Variants in NPFFR2 observed in about 807,000 individuals in gnomAD.
NPFFR2 encodes neuropeptide FF receptor 2.
Under a neutral mutation model 13.1 loss-of-function variants are expected in NPFFR2, and 15 were observed. That is an observed-to-expected ratio of 1.15 (90% CI 0.77 to 1.76). The LOEUF (loss-of-function observed/expected upper bound fraction) is 1.76, where lower values mean the gene tolerates loss of function less well. Ranked by LOEUF, NPFFR2 falls within the 40% of genes most tolerant of loss-of-function variation. The pLI, the probability that NPFFR2 is intolerant of heterozygous loss-of-function variation, is 0.00. For synonymous variants in NPFFR2, 190 were observed against 175.7 expected (o/e 1.08, Z -0.65); for missense variants, 572 against 503.5 (o/e 1.14, Z -1.30).
chr4:72,142,088 C>G (rs1722644044), intron 3 of NPFFR2, among the ~76,000 whole-genome samples: 1 of 151,842 alleles, frequency 6.6e-6, no homozygotes, highest in African/African-American at 2.4e-5. Flanking sequence ...CAACCCCTGC[C>G]TTTTTTTGCT....
At chr4:72,102,333 T>G (rs116202094) in intron 1 of NPFFR2, among the ~76,000 whole-genome samples, 2,712 of 152,172 alleles carry the variant, frequency 0.018, 89 homozygotes, top group African/African-American at 0.062. Context: ...AATCTTTCAA[T>G]AAATTAATAT....
chr4:72,072,114 G>A (rs4694463), intron 1 of NPFFR2, among the ~76,000 whole-genome samples: 136,852 of 152,094 alleles, frequency 0.9, 62,524 homozygotes, highest in Non-Finnish European at 0.98. Flanking sequence ...GAAGGATTCA[G>A]TTTCCAGCAT....
chr4:72,044,560 A>G (rs996176440), intron 1 of NPFFR2, among the ~76,000 whole-genome samples: 1 of 152,000 alleles, frequency 6.6e-6, no homozygotes, highest in Non-Finnish European at 1.5e-5. Flanking sequence ...AGTGTCAGTT[A>G]TTTTTTGTCT....
In NPFFR2 at chr4:72,115,597, C is replaced by T. The variant is rs75259772; in HGVS notation, c.-7-12988C>T. 3.0e-3 allele frequency among the ~76,000 whole-genome samples: 455 copies of T among 152,216 alleles called. 4 individuals are homozygous for T. The highest frequency in any genetic ancestry group is 0.01 in the African/African-American group (429 of 41,530). ...TTCCAAGTTTACCTCAAATAACTCC[C>T]CTGGGTTGTCTCCTATTTCTGTATA... On this transcript the variant is annotated intron_variant, in intron 1 of 3. Transcript: ENST00000308744.
chr4:72,082,333 G>T (rs185951966), intron 1 of NPFFR2, among the ~76,000 whole-genome samples: 2 of 152,248 alleles, frequency 1.3e-5, no homozygotes, highest in Non-Finnish European at 2.9e-5. Context: ...AAGCCAAGGG[G>T]CTAGGTATAT....
chr4:72,090,857 G>A (rs1354747611), intron 1 of NPFFR2, among the ~76,000 whole-genome samples: 6 of 152,040 alleles, frequency 3.9e-5, no homozygotes, highest in Non-Finnish European at 2.9e-5. Flanking sequence ...CCAGTACTAT[G>A]TGAAATAGAA....
chr4:72,074,232 A>G (rs1012300601), intron 1 of NPFFR2, among the ~76,000 whole-genome samples: 1 of 152,084 alleles, frequency 6.6e-6, no homozygotes, highest in African/African-American at 2.4e-5. Context: ...GCTCTTCAGA[A>G]TGACATGCAA....
intron 1 of NPFFR2, among the ~76,000 whole-genome samples, chr4:72,108,345 G>A (rs968151595): frequency 6.6e-6 from 1 of 151,916 alleles, no homozygotes; most frequent in Non-Finnish European, 1.5e-5. Context: ...CAATTATTAT[G>A]TTCACAAGAA....
intron 1 of NPFFR2, among the ~76,000 whole-genome samples, chr4:72,113,641 C>T (rs1165822391): frequency 6.6e-6 from 1 of 152,106 alleles, no homozygotes; most frequent in Non-Finnish European, 1.5e-5. Context: ...AACACAAAGT[C>T]TCAGACTGGC....
chr4:72,119,287 T>A (rs1331858131), intron 1 of NPFFR2, among the ~76,000 whole-genome samples: 1 of 152,166 alleles, frequency 6.6e-6, no homozygotes, highest in East Asian at 1.9e-4. Flanking sequence ...GTTATTCCTG[T>A]CAAAGGGATG....
At chr4:72,084,826 C>T (rs757581706) in intron 1 of NPFFR2, among the ~76,000 whole-genome samples, 5 of 152,078 alleles carry the variant, frequency 3.3e-5, no homozygotes, top group Non-Finnish European at 7.4e-5. Flanking sequence ...CATATTTACT[C>T]AGAGAGCTCT....
intron 1 of NPFFR2, among the ~76,000 whole-genome samples, chr4:72,112,434 A>C (rs747632580): frequency 2.0e-5 from 3 of 151,798 alleles, no homozygotes; most frequent in Non-Finnish European, 4.4e-5. Flanking sequence ...TTTTGTGTGC[A>C]TAGATCTTTT....
intron 1 of NPFFR2, among the ~76,000 whole-genome samples, chr4:72,082,910 C>T (rs1397127650): frequency 6.6e-6 from 1 of 151,994 alleles, no homozygotes; most frequent in Non-Finnish European, 1.5e-5. Flanking sequence ...TATCATGCAG[C>T]ACATTTCTTT....
intron 1 of NPFFR2, among the ~76,000 whole-genome samples, chr4:72,063,222 G>A (rs1719970113): frequency 6.6e-6 from 1 of 152,174 alleles, no homozygotes; most frequent in South Asian, 2.1e-4. Flanking sequence ...GTTTATATTT[G>A]TTATTCTACC....
Position 72,130,026 on chromosome 4 carries a change from A to G in NPFFR2, c.328+1107A>G, listed in dbSNP as rs532084732. ...CCTTAATCCATTCAACTCTGAGTTG[A>G]CACAGCACATGTTTCAGAGAGCACG... is the stretch of plus-strand genomic sequence containing the variant. On this transcript the variant is annotated intron_variant, in intron 2 of 3. Coordinates refer to ENST00000308744, the MANE Select transcript of NPFFR2 (RefSeq NM_004885.3). Among the ~76,000 whole-genome samples, 383 of 144,252 alleles carry G rather than the reference A, an allele frequency of 2.7e-3. 2 individuals are homozygous for G. The highest frequency in any genetic ancestry group is 1.0e-2 in the African/African-American group (375 of 37,674). 94.6% of individuals were successfully genotyped at this position (144,252 alleles called of 152,430 possible).
At chr4:72,096,854 T>G (rs1451917417) in intron 1 of NPFFR2, among the ~76,000 whole-genome samples, 1 of 152,060 alleles carries the variant, frequency 6.6e-6, no homozygotes, top group Non-Finnish European at 1.5e-5. Context: ...AATACCCTGA[T>G]AAGCTCATTG....
intron 1 of NPFFR2, among the ~76,000 whole-genome samples, chr4:72,082,110 C>T (rs1560405487): frequency 6.6e-6 from 1 of 152,138 alleles, no homozygotes; most frequent in Admixed American, 6.6e-5. Context: ...GGCTATGGTG[C>T]CTATGGCAGC....
intron 1 of NPFFR2, among the ~76,000 whole-genome samples, chr4:72,064,820 C>A (rs1720019796): frequency 6.6e-6 from 1 of 152,060 alleles, no homozygotes; most frequent in Non-Finnish European, 1.5e-5. Context: ...ATACATTGAT[C>A]CCTGTGAGTA....
chr4:72,078,299 C>G (rs1420970360), intron 1 of NPFFR2, among the ~76,000 whole-genome samples: 1 of 152,030 alleles, frequency 6.6e-6, no homozygotes, highest in Non-Finnish European at 1.5e-5. Context: ...TAAAATCAAG[C>G]TTTCAAAGAT....
Sources: allele counts gnomAD v4.1 joint callset (sites outside exome capture counted in the v4.1 genomes callset), GRCh38; gene constraint gnomAD v4.1.1; transcripts MANE v1.5; gene names NCBI Gene and HGNC (gene_info 2026-07-23, HGNC 2026-07-21).